The following IRAG2 variants were observed in gnomAD, a reference collection of about 807,000 sequenced individuals.
The protein encoded by IRAG2 is lymphoid restricted membrane protein.
IRAG2 carries 45 observed loss-of-function variants against 69.9 expected under a neutral mutation model. That is an observed-to-expected ratio of 0.64 (90% confidence interval 0.51 to 0.83). The LOEUF (loss-of-function observed/expected upper bound fraction) is 0.83, where lower values mean the gene tolerates loss of function less well. IRAG2 is among the 40% of genes least tolerant of loss of function. The pLI, the probability that IRAG2 is intolerant of heterozygous loss-of-function variation, is 0.00. For missense variants in IRAG2, 520 were observed against 587.0 expected, an observed-to-expected ratio of 0.89 and a Z score of 1.18; for synonymous variants, 193 against 202.4, an observed-to-expected ratio of 0.95 and a Z score of 0.40.
chr12:25,012,169 T>C (rs1944480990), intron 3 of IRAG2, among the ~76,000 whole-genome samples: 1 of 144,292 alleles, frequency 6.9e-6, no homozygotes, highest in Non-Finnish European at 1.5e-5. Flanking sequence ...TTTTTTTTTT[T>C]TCTGAGACGG....
intron 9 of IRAG2, among the ~76,000 whole-genome samples, chr12:25,082,400 A>G (rs1592042627): frequency 6.6e-6 from 1 of 152,044 alleles, no homozygotes; most frequent in South Asian, 2.1e-4. Context: ...AGAGTTCAAG[A>G]CCAGCCTGGG....
Position 25,064,011 on chromosome 12 carries a change from T to G in IRAG2, c.-207+195T>G, listed in dbSNP as rs568873056. 4.6e-5 allele frequency among the ~76,000 whole-genome samples: 7 copies of G among 152,294 alleles called. No homozygotes were observed. The South Asian group carries it at 1.2e-3, about 27-fold the overall frequency. ...GCAACATATTATGCATGATAAAGAA[T>G]AAGTCCTGGCCAGGCACGGGGGCTC... On this transcript the variant is annotated intron_variant, in intron 4 of 21. Transcript: ENST00000556887.
chr12:25,013,350 C>T (rs914120305), intron 3 of IRAG2, among the ~76,000 whole-genome samples: 4 of 152,004 alleles, frequency 2.6e-5, no homozygotes, highest in South Asian at 2.1e-4. Context: ...TGGTGGCATG[C>T]GCCTGTAGTC....
chr12:25,097,864 CTTAT>C (rs1440447484), intron 15 of IRAG2, among the ~76,000 whole-genome samples: 1 of 152,172 alleles, frequency 6.6e-6, no homozygotes, highest in African/African-American at 2.4e-5. Flanking sequence ...AACTTTTTGT[CTTAT>C]TTGTTTTGTA....
intron 2 of IRAG2, chr12:25,011,229 T>C: frequency 1.5e-6 from 1 of 659,378 alleles, no homozygotes; most frequent in Non-Finnish European, 2.1e-6. Context: ...TTCTTTACAA[T>C]ATACCATGCC....
intron 6 of IRAG2, among the ~76,000 whole-genome samples, chr12:25,019,675 G>A (rs1160214801): frequency 2.6e-5 from 4 of 152,298 alleles, no homozygotes; most frequent in East Asian, 1.9e-4. Flanking sequence ...CAGCATTCAG[G>A]TGGGAAATCA....
chr12:25,065,739 G>A (rs772181306), intron 4 of IRAG2, among the ~76,000 whole-genome samples: 3 of 152,126 alleles, frequency 2.0e-5, no homozygotes, highest in Non-Finnish European at 4.4e-5. Context: ...GCACGAACAC[G>A]GCTCACTGCA....
At chr12:25,087,167 T>A (rs1170869578) in intron 10 of IRAG2, among the ~76,000 whole-genome samples, 1 of 117,596 alleles carries the variant, frequency 8.5e-6, no homozygotes, top group East Asian at 2.4e-4. Context: ...TTTTTTTTTT[T>A]TTTTTTTTTT....
chr12:25,090,946 A>G (rs1948008939), intron 14 of IRAG2: 1 of 425,276 alleles, frequency 2.4e-6, no homozygotes, highest in Non-Finnish European at 4.7e-6. Flanking sequence ...AGTCTTGCAG[A>G]TGATGGGCAA....
chr12:25,065,281 T>C (rs1388372710), intron 4 of IRAG2, among the ~76,000 whole-genome samples: 1 of 152,214 alleles, frequency 6.6e-6, no homozygotes, highest in Non-Finnish European at 1.5e-5. Flanking sequence ...TCTGTCACTT[T>C]ATACATAAGC....
At chr12:25,046,140 A>G (rs11047783) in intron 16 of IRAG2, among the ~76,000 whole-genome samples, 51,273 of 152,022 alleles carry the variant, frequency 0.34, 10,319 homozygotes, top group Admixed American at 0.48. Context: ...CTATAGGTGC[A>G]GAAAAAACAT....
At chr12:25,011,915 C>T (rs1164571317) in intron 3 of IRAG2, among the ~76,000 whole-genome samples, 12 of 152,084 alleles carry the variant, frequency 7.9e-5, no homozygotes, top group Non-Finnish European at 1.5e-5. Context: ...TTGATACTAT[C>T]AAATCTCCAA....
In IRAG2 at chr12:25,012,143, C is replaced by CTT. The variant is rs1944480147; in HGVS notation, c.896+592_896+593insTT. Among the ~76,000 whole-genome samples the CTT allele has an allele frequency of 1.5e-3, 35 of 24,098 alleles. 4 individuals carry two copies. Among genetic ancestry groups the CTT allele is most frequent in the Admixed American group, 5.7e-3 (7 of 1,238 alleles). 15.8% of individuals were successfully genotyped at this position (24,098 alleles called of 152,430 possible). A position where few individuals can be genotyped will look rare whatever the true frequency, so the allele number is the denominator to read the frequency against. ...GTCTTCTTCCACAGAAAGCGAATTCCCTTTTTTTTTTTTTTTTTTTTTTTT... is the reference window on the plus strand; with the variant it reads ...GTCTTCTTCCACAGAAAGCGAATTCCTTCTTTTTTTTTTTTTTTTTTTTTTTT... On this transcript the variant is annotated intron_variant, in intron 3 of 38. Transcript: ENST00000636465.
intron 19 of IRAG2, 130 bp from the exon 20 acceptor site, chr12:25,104,231 A>G: frequency 1.2e-6 from 1 of 817,760 alleles, no homozygotes; most frequent in Non-Finnish European, 1.9e-6. Context: ...AAAGTAGGAG[A>G]TCTGTGAATG....
At chr12:25,001,996 C>T (rs1337273956), upstream of IRAG2, among the ~76,000 whole-genome samples, 1 of 152,046 alleles carries the variant, frequency 6.6e-6, no homozygotes, top group Non-Finnish European at 1.5e-5. Context: ...GTCTCGAACT[C>T]CTGACCTCGT....
intron 1 of IRAG2, 93 bp downstream of exon 1, chr12:25,053,049 A>T (rs181817317): frequency 2.5e-6 from 1 of 397,064 alleles, no homozygotes. Flanking sequence ...CAGCTAGGAT[A>T]TTATTCCTGA....
chr12:25,103,321 T>C (rs1485368618), intron 17 of IRAG2: 1 of 153,898 alleles, frequency 6.5e-6, no homozygotes, highest in Non-Finnish European at 1.4e-5. Flanking sequence ...AAGCTATACA[T>C]GTAGGTGCAT....
At chr12:25,059,642 C>T (rs1000578069) in intron 1 of IRAG2, among the ~76,000 whole-genome samples, 2 of 152,172 alleles carry the variant, frequency 1.3e-5, no homozygotes, top group African/African-American at 4.8e-5. Context: ...GCATGAGCCA[C>T]CGCACCCAGC....
At chr12:25,049,968 G>A (rs1458492299), upstream of IRAG2, among the ~76,000 whole-genome samples, 5 of 114,294 alleles carry the variant, frequency 4.4e-5, no homozygotes, top group African/African-American at 1.7e-4. Flanking sequence ...GGGCAACACA[G>A]CGAAACTGTG....
Sources: allele counts gnomAD v4.1 joint callset (sites outside exome capture counted in the v4.1 genomes callset), GRCh38; gene constraint gnomAD v4.1.1; transcripts MANE v1.5; gene names NCBI Gene and HGNC (gene_info 2026-07-23, HGNC 2026-07-21).